PDS5A: variants seen among roughly 807,000 people sequenced by gnomAD.
PDS5A encodes PDS5 cohesin associated factor A.
A neutral mutation model predicts 167.1 loss-of-function variants in PDS5A; 42 were observed. The observed-to-expected ratio is 0.25, with a 90% CI of 0.20 to 0.33. PDS5A has a LOEUF of 0.33. Among genes scored for constraint, PDS5A ranks in the 10% least tolerant of loss-of-function variants. The probability of loss-of-function intolerance (pLI) is 1.00; values close to 1 mark genes in which losing one functional copy is unlikely to be tolerated. For synonymous variants in PDS5A, 553 were observed against 554.6 expected, an observed-to-expected ratio of 1.00 and a Z score of 0.04; for missense variants, 1,033 against 1,605.9, an observed-to-expected ratio of 0.64 and a Z score of 6.10.
rs377096443 is a variant in PDS5A at position 39,950,069 on chromosome 4, C to T, written c.139-21905G>A. On this transcript the variant is annotated intron_variant, in intron 2 of 32. Transcript: ENST00000303538. ...TACAGGCATGCGCCACCACGCTTGGCTTATTTTCTATGTTTTTAGTAGAGA... is the reference window on the plus strand; with the variant it reads ...TACAGGCATGCGCCACCACGCTTGGTTTATTTTCTATGTTTTTAGTAGAGA... Among the ~76,000 whole-genome samples the T allele has an allele frequency of 4.7e-4, 71 of 151,916 alleles. 1 individual carries two copies. In the East Asian group the frequency reaches 5.7e-3, roughly 12 times the overall value.
At chr4:39,859,017 A>G (rs1211395185) in intron 26 of PDS5A, among the ~76,000 whole-genome samples, 1 of 152,206 alleles carries the variant, frequency 6.6e-6, no homozygotes, top group Non-Finnish European at 1.5e-5. Flanking sequence ...GCTACTTACT[A>G]TCAAGAATGT....
chr4:39,903,901 G>C (rs1308405869), intron 12 of PDS5A, 139 bp downstream of exon 12: 2 of 480,250 alleles, frequency 4.2e-6, no homozygotes, highest in Non-Finnish European at 7.1e-6. Context: ...AGAAATAAAT[G>C]ATTAATCAAG....
At chr4:39,928,730 T>C (rs1345265107) in intron 2 of PDS5A, among the ~76,000 whole-genome samples, 1 of 151,086 alleles carries the variant, frequency 6.6e-6, no homozygotes, top group Non-Finnish European at 1.5e-5. Flanking sequence ...GAGGATGAGA[T>C]AGGAGGGTCC....
chr4:39,842,933 A>ATT, intron 30 of PDS5A, among the ~76,000 whole-genome samples: 1 of 136,344 alleles, frequency 7.3e-6, no homozygotes, highest in African/African-American at 2.8e-5. Context: ...ATATATATAT[A>ATT]TATATTTTAA....
At chr4:39,931,089 C>T (rs1414291932) in intron 2 of PDS5A, among the ~76,000 whole-genome samples, 2 of 152,134 alleles carry the variant, frequency 1.3e-5, no homozygotes, top group African/African-American at 4.8e-5. Flanking sequence ...AGGAGGATCG[C>T]TTGAGCCCAG....
chr4:39,887,154 A>G (rs1347920672), intron 17 of PDS5A, among the ~76,000 whole-genome samples: 1 of 152,156 alleles, frequency 6.6e-6, no homozygotes, highest in Non-Finnish European at 1.5e-5. Context: ...AATTTGTTGA[A>G]TAAAGGTGGT....
intron 10 of PDS5A, among the ~76,000 whole-genome samples, chr4:39,909,736 T>C (rs1723731982): frequency 6.6e-6 from 1 of 152,202 alleles, no homozygotes; most frequent in African/African-American, 2.4e-5. Flanking sequence ...ACTTATGTGC[T>C]GCTACCAAAA....
chr4:39,974,445 T>C (rs1730878315), intron 2 of PDS5A: 1 of 308,236 alleles, frequency 3.2e-6, no homozygotes, highest in African/African-American at 2.2e-5. Context: ...AAGTTTTATA[T>C]TTCATAATTT....
intron 27 of PDS5A, 107 bp from the exon 28 acceptor site, chr4:39,849,077 GTTAT>G: frequency 1.3e-6 from 1 of 782,918 alleles, no homozygotes; most frequent in East Asian, 2.7e-5. Context: ...TACTGTGGTT[GTTAT>G]TTATTCCTTG....
intron 32 of PDS5A, among the ~76,000 whole-genome samples, chr4:39,836,781 T>C (rs1244493115): frequency 1.4e-5 from 2 of 147,030 alleles, no homozygotes; most frequent in Non-Finnish European, 3.0e-5. Flanking sequence ...GATAATATTT[T>C]AAATGTTTTT....
At chr4:39,833,822 T>C (rs1435146045) in intron 32 of PDS5A, among the ~76,000 whole-genome samples, 1 of 152,170 alleles carries the variant, frequency 6.6e-6, no homozygotes, top group Non-Finnish European at 1.5e-5. Flanking sequence ...TAGCCAACAC[T>C]GTGGTCATTT....
intron 2 of PDS5A, among the ~76,000 whole-genome samples, chr4:39,935,380 G>C (rs548877734): frequency 6.6e-6 from 1 of 152,222 alleles, no homozygotes. Context: ...TTATAGGCGT[G>C]AGCCACCGCG....
intron 6 of PDS5A, among the ~76,000 whole-genome samples, chr4:39,921,100 A>G (rs1239384540): frequency 1.3e-5 from 2 of 152,190 alleles, no homozygotes; most frequent in Non-Finnish European, 2.9e-5. Context: ...AAACAAGGCT[A>G]GGAAACCCTA....
chr4:39,896,344 CTTT>C (rs1185559250), intron 16 of PDS5A, among the ~76,000 whole-genome samples: 4 of 124,962 alleles, frequency 3.2e-5, no homozygotes, highest in East Asian at 2.3e-4. Flanking sequence ...ATGTACTGAT[CTTT>C]TTTTTTTTTT....
intron 11 of PDS5A, among the ~76,000 whole-genome samples, chr4:39,904,863 T>C (rs1170907697): frequency 1.3e-5 from 2 of 152,200 alleles, no homozygotes; most frequent in African/African-American, 2.4e-5. Context: ...GAGAGTTCAT[T>C]TGATTCTATT....
In PDS5A at chr4:39,862,231, C is replaced by T. The variant is rs937477858; in HGVS notation, c.3074G>A (p.Arg1025His). 14 of 1,459,012 alleles carry T rather than the reference C, an allele frequency of 9.6e-6. No individual in the cohort carries two copies. Among genetic ancestry groups the T allele is most frequent in the East Asian group, 7.4e-5 (3 of 40,586 alleles). 90.4% of individuals were successfully genotyped at this position (1,459,012 alleles called of 1,614,324 possible). The change falls in exon 26 of 33, where the codon CGT becomes CAT. Residue 1025 changes from arginine to histidine, a missense_variant. Arg to His is a conservative substitution (Grantham distance 29, BLOSUM62 0). Coordinates refer to ENST00000303538, the MANE Select transcript of PDS5A (RefSeq NM_001100399.2). ...CAACAAGACTTACTCTTTGATATCA[C>T]GAAGCTGATCAACATCTTGTGATCT... is the stretch of plus-strand genomic sequence containing the variant. Reference protein sequence around the residue: ...FTRSQDVDQLRDIKECLWFML... With the variant: ...FTRSQDVDQLHDIKECLWFML...
chr4:39,933,276 A>C (rs907539691), intron 2 of PDS5A: 1 of 152,126 alleles, frequency 6.6e-6, no homozygotes, highest in African/African-American at 2.4e-5. Flanking sequence ...TGCTATCAAA[A>C]GTATGTATGT....
At chr4:39,906,197 G>A (rs1406394412) in intron 11 of PDS5A, among the ~76,000 whole-genome samples, 3 of 152,018 alleles carry the variant, frequency 2.0e-5, no homozygotes, top group East Asian at 1.9e-4. Context: ...GTGAAACCCC[G>A]TCTCTACAAA....
At position 39,852,863 on chromosome 4, in the gene PDS5A, G is replaced by A. The variant is rs532608700; in HGVS notation, c.3087-3211C>T. ...ATTTTCTGGGCAATCTGTTCAACAC[G>A]ATTTCCTAATTCCTTGGCTGTTCTA... On this transcript the variant is annotated intron_variant, in intron 26 of 32. Transcript: ENST00000303538. Among the ~76,000 whole-genome samples, 226 of 152,260 alleles carry A rather than the reference G, an allele frequency of 1.5e-3. 1 individual carries two copies. Among genetic ancestry groups the A allele is most frequent in the Non-Finnish European group, 1.8e-3 (124 of 68,020 alleles).
Sources: gnomAD v4.1 joint callset for allele counts (sites outside exome capture counted in the v4.1 genomes callset) on GRCh38, gnomAD v4.1.1 for gene constraint, MANE v1.5 for transcripts, NCBI Gene and HGNC (gene_info 2026-07-23, HGNC 2026-07-21) for gene names.